NIM1K: variants seen among roughly 807,000 people sequenced by gnomAD.
NIM1K encodes the protein serine/threonine-protein kinase NIM1.
A neutral mutation model predicts 37.1 loss-of-function variants in NIM1K; 35 were observed. That is an observed-to-expected ratio of 0.94 (90% CI 0.72 to 1.25). NIM1K has a LOEUF of 1.25. Among genes scored for constraint, NIM1K ranks in the 50% most tolerant of loss-of-function variants. The pLI, the probability that NIM1K is intolerant of heterozygous loss-of-function variation, is 0.00. For missense variants in NIM1K, 564 were observed against 548.0 expected (o/e 1.03, Z -0.29); for synonymous variants, 234 against 206.6 (o/e 1.13, Z -1.14).
At chr5:43,279,210 A>T (rs1172039450) in intron 3 of NIM1K, among the ~76,000 whole-genome samples, 3 of 152,192 alleles carry the variant, frequency 2.0e-5, no homozygotes, top group Non-Finnish European at 4.4e-5. Flanking sequence ...AGTTAGCGTC[A>T]TATATAGTTC....
At chr5:43,196,942 CTT>C (rs774125135) in intron 1 of NIM1K, among the ~76,000 whole-genome samples, 1 of 82,790 alleles carries the variant, frequency 1.2e-5, no homozygotes. Flanking sequence ...CCATGCCCAG[CTT>C]TTTTTTTTTT....
chr5:43,253,604 T>C (rs370473306), intron 2 of NIM1K, among the ~76,000 whole-genome samples: 82 of 151,798 alleles, frequency 5.4e-4, no homozygotes, highest in African/African-American at 1.8e-3. Context: ...GGCTTGATCA[T>C]GGAAAATCTT....
Position 43,193,324 on chromosome 5 carries a change from C to CCTCCTCCTCCTCTCCCCTTCTCTT in NIM1K, c.-695+924_-695+947dup, listed in dbSNP as rs1435855151. ...TTTCCCTCTTCTCCCTCCCTCCTTT[C>CCTCCTCCTCCTCTCCCCTTCTCTT]CTCCTCCTCCTCTCCCCTTCTCTTC... On this transcript the variant is annotated intron_variant, in intron 1 of 3. Transcript: ENST00000326035. The CCTCCTCCTCCTCTCCCCTTCTCTT allele has an allele frequency of 2.0e-5, 3 of 150,802 alleles. No individual in the cohort carries two copies. The East Asian group carries it at 5.9e-4, about 30-fold the overall frequency. The allele number at this position is 150,802 out of a possible 1,614,324, so 9.3% of individuals were successfully genotyped here.
At chr5:43,267,658 C>A (rs945572697) in intron 2 of NIM1K, among the ~76,000 whole-genome samples, 1 of 152,162 alleles carries the variant, frequency 6.6e-6, no homozygotes, top group Non-Finnish European at 1.5e-5. Context: ...GTCATATTAT[C>A]ATTCATTTCA....
intron 1 of NIM1K, among the ~76,000 whole-genome samples, chr5:43,213,196 TC>T (rs1561074773): frequency 0.079 from 5,424 of 68,744 alleles, 186 homozygotes; most frequent in Middle Eastern, 0.12. Flanking sequence ...TTTCTTTCTT[TC>T]TTTCTTTCTT....
chr5:43,275,900 T>C (rs1462966118), intron 2 of NIM1K, among the ~76,000 whole-genome samples: 1 of 151,382 alleles, frequency 6.6e-6, no homozygotes, highest in African/African-American at 2.4e-5. Context: ...TGAGTAATTT[T>C]TTTTTTTTTT....
intron 1 of NIM1K, chr5:43,207,442 A>G (rs1045728182): frequency 7.1e-5 from 58 of 815,260 alleles, no homozygotes; most frequent in Non-Finnish European, 1.2e-4. Context: ...ATCAGGTTCT[A>G]ATAGAAGACT....
At chr5:43,235,806 T>A (rs993045175) in intron 1 of NIM1K, among the ~76,000 whole-genome samples, 4 of 151,994 alleles carry the variant, frequency 2.6e-5, no homozygotes, top group Admixed American at 2.6e-4. Flanking sequence ...CAGTTCCAGA[T>A]GTATTTGACT....
At chr5:43,204,206 G>T (rs1752076149) in intron 1 of NIM1K, among the ~76,000 whole-genome samples, 1 of 142,278 alleles carries the variant, frequency 7.0e-6, no homozygotes, top group African/African-American at 2.6e-5. Context: ...TCCTGCCTCA[G>T]CCTCCTGAGT....
rs770268418 is a variant in NIM1K, at chr5:43,245,984, G to A, written c.209G>A (p.Arg70Gln). 20 of 1,614,136 alleles carry A rather than the reference G, an allele frequency of 1.2e-5. No individual in the cohort carries two copies. The highest frequency in any genetic ancestry group is 1.4e-5 in the Non-Finnish European group (17 of 1,179,992). ...GTGAGGGAGATCACGCTGGGGAAACGGATAGGCTTCTACCGAATTCGAGGG... is the reference window on the plus strand; with the variant it reads ...GTGAGGGAGATCACGCTGGGGAAACAGATAGGCTTCTACCGAATTCGAGGG... ...KVVREITLGK[R>Q]IGFYRIRGEI... The change falls in exon 2 of 4, where the codon CGG becomes CAG. Residue 70 changes from arginine (R) to glutamine (Q), a missense_variant. Transcript: ENST00000326035.
At chr5:43,242,078 T>C (rs1324787160) in intron 1 of NIM1K, among the ~76,000 whole-genome samples, 2 of 152,066 alleles carry the variant, frequency 1.3e-5, no homozygotes, top group African/African-American at 4.8e-5. Flanking sequence ...GAAGATTAAC[T>C]GTCTCCTCGA....
In NIM1K at chr5:43,271,521, A is replaced by AT. The variant is rs34993008; in HGVS notation, c.293-5536_293-5535insT. Among the ~76,000 whole-genome samples the AT allele has an allele frequency of 7.5e-3, 1,149 of 152,326 alleles. 10 individuals are homozygous for AT. Among genetic ancestry groups the AT allele is most frequent in the Middle Eastern group, 0.034 (10 of 294 alleles). Reference sequence around the variant, plus strand: ...ATACATATATTAGAGTAGTGCTCAAAAATGTTTTATTATGCACATGCAGTT... The same window carrying AT: ...ATACATATATTAGAGTAGTGCTCAAATAATGTTTTATTATGCACATGCAGTT... On this transcript the variant is annotated intron_variant, in intron 2 of 3. Coordinates refer to ENST00000326035, the MANE Select transcript of NIM1K (RefSeq NM_153361.4).
intron 1 of NIM1K, among the ~76,000 whole-genome samples, chr5:43,211,026 G>T (rs1752197104): frequency 6.6e-6 from 1 of 152,118 alleles, no homozygotes; most frequent in Non-Finnish European, 1.5e-5. Context: ...ACAAAAATTA[G>T]CCAGGCATGA....
intron 1 of NIM1K, among the ~76,000 whole-genome samples, chr5:43,216,693 A>G (rs1752304688): frequency 6.6e-6 from 1 of 152,206 alleles, no homozygotes; most frequent in Admixed American, 6.5e-5. Context: ...ATAAGTCTTT[A>G]TATTTTGGAC....
chr5:43,253,060 C>T (rs1752889230), intron 2 of NIM1K, among the ~76,000 whole-genome samples: 2 of 148,678 alleles, frequency 1.3e-5, no homozygotes, highest in African/African-American at 2.5e-5. Flanking sequence ...TCACTGCTGC[C>T]TTGGACTCCT....
At chr5:43,198,155 C>A (rs544371350) in intron 1 of NIM1K, among the ~76,000 whole-genome samples, 42 of 49,354 alleles carry the variant, frequency 8.5e-4, no homozygotes, top group African/African-American at 2.9e-3. Flanking sequence ...TTCTTTCTTT[C>A]TTTCTTTCTT....
rs1212729063 is a variant in NIM1K at position 43,277,029 on chromosome 5, G to A, written c.293-28G>A. 1.9e-6 allele frequency: 3 copies of A among 1,610,016 alleles called. No individual in the cohort carries two copies. The South Asian group carries it at 3.3e-5, about 18-fold the overall frequency. On this transcript the variant is annotated intron_variant, in intron 2 of 3. Transcript: ENST00000326035. ...TCTAACTATGCTCCTGTGAATTCTGGCACAATTTTTACTTTTTTTCCTTGC... is the reference window on the plus strand; with the variant it reads ...TCTAACTATGCTCCTGTGAATTCTGACACAATTTTTACTTTTTTTCCTTGC...
In NIM1K at chr5:43,214,029, A is replaced by G. The variant is rs1456893385; in HGVS notation, c.-695+21618A>G. Reference sequence around the variant, plus strand: ...CTTTTTACCCAGGCTGGTCTTGAACACCTGGCCTTAAGCAATCCTCCCACC... The same window carrying G: ...CTTTTTACCCAGGCTGGTCTTGAACGCCTGGCCTTAAGCAATCCTCCCACC... On this transcript the variant is annotated intron_variant, in intron 1 of 3. Coordinates refer to ENST00000326035, the MANE Select transcript of NIM1K (RefSeq NM_153361.4). Among the ~76,000 whole-genome samples the G allele has an allele frequency of 5.9e-5, 8 of 134,600 alleles. No individual in the cohort carries two copies. In the East Asian group the frequency reaches 1.7e-3, roughly 29 times the overall value. The allele number at this position is 134,600 out of a possible 152,430, so 88.3% of individuals were successfully genotyped here.
intron 2 of NIM1K, among the ~76,000 whole-genome samples, chr5:43,275,915 T>TC (rs1237175150): frequency 3.3e-5 from 5 of 151,678 alleles, no homozygotes; most frequent in African/African-American, 1.2e-4. Flanking sequence ...TTTTTTTTTT[T>TC]TCTGAGACGG....
Sources: gnomAD v4.1 joint callset for allele counts (sites outside exome capture counted in the v4.1 genomes callset) on GRCh38, gnomAD v4.1.1 for gene constraint, MANE v1.5 for transcripts, NCBI Gene and HGNC (gene_info 2026-07-23, HGNC 2026-07-21) for gene names.